KCND3: variants seen among roughly 807,000 people sequenced by gnomAD.
KCND3 encodes A-type voltage-gated potassium channel KCND3.
In KCND3, 9 loss-of-function variants were observed where a neutral mutation model predicts 51.1. The observed-to-expected ratio is 0.18, with a 90% CI of 0.11 to 0.31. The LOEUF (loss-of-function observed/expected upper bound fraction) is 0.31, where lower values mean the gene tolerates loss of function less well. Among genes scored for constraint, KCND3 ranks in the 10% least tolerant of loss-of-function variants. The probability of loss-of-function intolerance (pLI) is 1.00; values close to 1 mark genes in which losing one functional copy is unlikely to be tolerated. For missense variants in KCND3, 526 were observed against 903.8 expected (o/e 0.58, Z 5.36); for synonymous variants, 349 against 368.0 (o/e 0.95, Z 0.59).
chr1:111,785,946 C>CA (rs1395545290), intron 3 of KCND3, among the ~76,000 whole-genome samples: 4 of 152,176 alleles, frequency 2.6e-5, no homozygotes, highest in African/African-American at 4.8e-5. Context: ...AGTAAGGAGA[C>CA]AAAACCCCAA....
chr1:111,964,630 G>A (rs528764463), intron 2 of KCND3, among the ~76,000 whole-genome samples: 3 of 152,222 alleles, frequency 2.0e-5, no homozygotes, highest in African/African-American at 4.8e-5. Context: ...ACTCAGAGGG[G>A]CTCCTCTTGC....
At chr1:111,800,928 T>C (rs1437001399) in intron 2 of KCND3, among the ~76,000 whole-genome samples, 2 of 152,192 alleles carry the variant, frequency 1.3e-5, no homozygotes, top group African/African-American at 4.8e-5. Flanking sequence ...AACTTCTAAT[T>C]TATCTCTCCA....
intron 2 of KCND3, among the ~76,000 whole-genome samples, chr1:111,967,889 A>G (rs118063806): frequency 1.3e-5 from 2 of 152,104 alleles, no homozygotes; most frequent in East Asian, 1.9e-4. Flanking sequence ...CTGGCCCCAC[A>G]CCCACATCTC....
intron 2 of KCND3, among the ~76,000 whole-genome samples, chr1:111,891,364 G>T (rs1669812250): frequency 6.6e-6 from 1 of 152,156 alleles, no homozygotes. Context: ...TAAAAAGGAA[G>T]GTATTTTAAG....
chr1:111,906,399 A>G (rs1361104362), intron 2 of KCND3, among the ~76,000 whole-genome samples: 1 of 152,172 alleles, frequency 6.6e-6, no homozygotes, highest in Non-Finnish European at 1.5e-5. Context: ...AAAGTTCCCC[A>G]CTGTCCAGAC....
intron 2 of KCND3, among the ~76,000 whole-genome samples, chr1:111,928,571 A>G (rs1364186404): frequency 6.6e-6 from 1 of 152,224 alleles, no homozygotes; most frequent in African/African-American, 2.4e-5. Flanking sequence ...CTGCATTTGC[A>G]TATGTTGAGG....
chr1:111,974,037 T>C (rs1257750880), intron 2 of KCND3, among the ~76,000 whole-genome samples: 3 of 152,332 alleles, frequency 2.0e-5, no homozygotes, highest in African/African-American at 7.2e-5. Flanking sequence ...AAATGCAATC[T>C]TCCTCCATCC....
At chr1:111,830,278 A>G (rs1413140126) in intron 2 of KCND3, among the ~76,000 whole-genome samples, 1 of 152,194 alleles carries the variant, frequency 6.6e-6, no homozygotes, top group Non-Finnish European at 1.5e-5. Context: ...GGCTCCTCAT[A>G]GCCTTCCAGA....
intron 2 of KCND3, among the ~76,000 whole-genome samples, chr1:111,866,263 C>CTTTTTTTTTTTTTTTTTT (rs11399761): frequency 7.4e-5 from 4 of 54,252 alleles, no homozygotes; most frequent in Non-Finnish European, 1.1e-4. Context: ...CTTTTCTTTT[C>CTTTTTTTTTTTTTTTTTT]TTTTTTTTTT....
intron 2 of KCND3, among the ~76,000 whole-genome samples, chr1:111,823,797 G>C (rs1372164375): frequency 1.3e-5 from 2 of 152,068 alleles, no homozygotes; most frequent in African/African-American, 4.8e-5. Flanking sequence ...GCAGAACTGA[G>C]GTGTAAATCC....
At chr1:111,792,292 T>A (rs1444496135) in intron 2 of KCND3, among the ~76,000 whole-genome samples, 3 of 152,126 alleles carry the variant, frequency 2.0e-5, no homozygotes, top group African/African-American at 7.2e-5. Flanking sequence ...ACGTTAGGGA[T>A]GAGGAGGGAA....
intron 2 of KCND3, among the ~76,000 whole-genome samples, chr1:111,921,164 T>C (rs1249078041): frequency 3.9e-5 from 6 of 152,228 alleles, no homozygotes; most frequent in African/African-American, 1.4e-4. Flanking sequence ...TAGTGCCCTA[T>C]GATGTAGAGA....
chr1:111,940,071 T>TG, intron 2 of KCND3, among the ~76,000 whole-genome samples: 1 of 132,064 alleles, frequency 7.6e-6, no homozygotes, highest in Non-Finnish European at 1.6e-5. Flanking sequence ...TACTTTTTGA[T>TG]GGTTTTTTTT....
chr1:111,824,668 A>G (rs1173754982), intron 2 of KCND3, among the ~76,000 whole-genome samples: 1 of 152,206 alleles, frequency 6.6e-6, no homozygotes, highest in African/African-American at 2.4e-5. Context: ...TCCCATCCTC[A>G]GAAAACCGAC....
chr1:111,983,634 G>A lies in KCND3; in HGVS notation c.-72-836C>T, dbSNP rs558125227. 4.6e-5 allele frequency among the ~76,000 whole-genome samples: 7 copies of A among 152,094 alleles called. No homozygotes were observed. In the South Asian group the frequency reaches 1.0e-3, roughly 23 times the overall value. ...TCTCTCTCCCTCCCCAGAAGAAGCC[G>A]ATCCGCGCTCACTGCCGTCCCTAGA... On this transcript the variant is annotated intron_variant, in intron 1 of 7. Transcript: ENST00000302127.
chr1:111,935,917 C>G (rs758302961), intron 2 of KCND3, among the ~76,000 whole-genome samples: 11 of 152,198 alleles, frequency 7.2e-5, no homozygotes, highest in Non-Finnish European at 1.6e-4. Flanking sequence ...CACATGCCCC[C>G]TATGTAATCA....
At chr1:111,913,980 CA>C (rs556708875) in intron 2 of KCND3, among the ~76,000 whole-genome samples, 208 of 151,996 alleles carry the variant, frequency 1.4e-3, no homozygotes, top group Non-Finnish European at 2.8e-3. Flanking sequence ...GAAAATCAAT[CA>C]TTAGAAAATG....
rs1036988681 is a variant in KCND3 at position 111,775,377 on chromosome 1, C to G, written c.*700G>C. On this transcript the variant is annotated 3_prime_UTR_variant, in exon 8 of 8. Coordinates refer to ENST00000302127, the MANE Select transcript of KCND3 (RefSeq NM_001378969.1). The stretch of plus-strand genomic sequence containing the variant: ...GGTCACTTGGCAGCTCTGCACAGGT[C>G]AGCTGGGCAGTGGGGGCCCAGGCTC... 1 of 159,024 alleles carries G rather than the reference C, an allele frequency of 6.3e-6. No individual in the cohort carries two copies. 9.9% of individuals were successfully genotyped at this position (159,024 alleles called of 1,614,324 possible).
At chr1:111,797,440 A>G (rs1402497475) in intron 2 of KCND3, among the ~76,000 whole-genome samples, 2 of 152,198 alleles carry the variant, frequency 1.3e-5, no homozygotes, top group African/African-American at 4.8e-5. Context: ...ATCCTCCTGG[A>G]TTGATGAACT....
Sources: allele counts gnomAD v4.1 joint callset (sites outside exome capture counted in the v4.1 genomes callset), GRCh38; gene constraint gnomAD v4.1.1; transcripts MANE v1.5; gene names NCBI Gene and HGNC (gene_info 2026-07-23, HGNC 2026-07-21).